Variants in EFCAB11 observed in about 807,000 individuals in gnomAD.
EFCAB11 encodes the protein EF-hand calcium binding domain 11.
In EFCAB11, 14 loss-of-function variants were observed where a neutral mutation model predicts 23.0. That is an observed-to-expected ratio of 0.61 (90% CI 0.40 to 0.95). The LOEUF is 0.95. Ranked by LOEUF, EFCAB11 falls within the 40% of genes least tolerant of loss-of-function variation. The probability of loss-of-function intolerance (pLI) is 0.00; values close to 1 mark genes in which losing one functional copy is unlikely to be tolerated. For missense variants in EFCAB11, 198 were observed against 195.8 expected (o/e 1.01, Z -0.07); for synonymous variants, 65 against 66.6 (o/e 0.98, Z 0.11).
At chr14:89,949,056 T>A (rs1891072007) in intron 3 of EFCAB11, among the ~76,000 whole-genome samples, 1 of 152,190 alleles carries the variant, frequency 6.6e-6, no homozygotes, top group African/African-American at 2.4e-5. Flanking sequence ...ATGTGACTAT[T>A]AATACCTAGT....
rs116688404 is a variant in EFCAB11 at position 89,869,516 on chromosome 14, T to C, written c.410+62025A>G. ...AAAAATTCTATACACTCCTGTAATGTTACCAGAATTAAAGGATTAAATGAC... is the reference window on the plus strand; with the variant it reads ...AAAAATTCTATACACTCCTGTAATGCTACCAGAATTAAAGGATTAAATGAC... On this transcript the variant is annotated intron_variant, in intron 5 of 5. Transcript: ENST00000316738. Among the ~76,000 whole-genome samples the C allele has an allele frequency of 2.3e-3, 356 of 152,280 alleles. 1 individual carries two copies. Among genetic ancestry groups the C allele is most frequent in the African/African-American group, 7.8e-3 (325 of 41,550 alleles).
At chr14:89,903,573 A>AG (rs57778945) in intron 5 of EFCAB11, among the ~76,000 whole-genome samples, 8,699 of 150,068 alleles carry the variant, frequency 0.058, 705 homozygotes, top group African/African-American at 0.19. Flanking sequence ...GTAAAAGAGA[A>AG]GGGGGGGGGC....
chr14:89,842,078 T>C (rs548106707), intron 5 of EFCAB11, among the ~76,000 whole-genome samples: 33 of 152,314 alleles, frequency 2.2e-4, no homozygotes, highest in African/African-American at 7.5e-4. Context: ...AGATTCAGTC[T>C]TGATGCCTAC....
At chr14:89,798,788 T>C (rs1330717674) in intron 5 of EFCAB11, among the ~76,000 whole-genome samples, 2 of 152,150 alleles carry the variant, frequency 1.3e-5, no homozygotes, top group Non-Finnish European at 2.9e-5. Context: ...TGTTATTGTA[T>C]TAACTTTTTG....
intron 5 of EFCAB11, among the ~76,000 whole-genome samples, chr14:89,825,103 A>G (rs1886646563): frequency 9.4e-6 from 1 of 106,856 alleles, no homozygotes; most frequent in Admixed American, 8.7e-5. Context: ...TGCTGGGACC[A>G]AAAAAAAAAA....
chr14:89,953,985 T>C lies in EFCAB11; in HGVS notation c.92A>G (p.Asp31Gly), dbSNP rs34486581. The C allele has an allele frequency of 2.4e-3, 3,915 of 1,613,242 alleles. 97 individuals are homozygous for C. In the African/African-American group the frequency reaches 0.046, roughly 19 times the overall value. The change falls in exon 2 of 6, where the codon GAT becomes GGT. Residue 31 changes from aspartate (D) to glycine (G), a missense_variant. Coordinates refer to ENST00000316738, the MANE Select transcript of EFCAB11 (RefSeq NM_145231.4). ...RKWVEVFKAC[D>G]EDHKGYLSRE... Reference sequence around the variant, plus strand: ...GCTGAGATATCCTTTGTGATCTTCATCACATGCTTTAAATACCTGAAGAAC... The same window carrying C: ...GCTGAGATATCCTTTGTGATCTTCACCACATGCTTTAAATACCTGAAGAAC...
chr14:89,879,851 G>C (rs920522722), intron 5 of EFCAB11, among the ~76,000 whole-genome samples: 6 of 152,116 alleles, frequency 3.9e-5, no homozygotes, highest in Non-Finnish European at 8.8e-5. Context: ...ATTATAAAAA[G>C]AGAAAAGTGA....
chr14:89,894,253 ATTTT>A lies in EFCAB11; in HGVS notation c.410+37284_410+37287del, dbSNP rs752443292. On this transcript the variant is annotated intron_variant, in intron 5 of 5. Transcript: ENST00000316738. ...GCGTGAGCCACCGCACCCAGCCTTGATTTTTTTTTTTTTAATTTAAGTTCTGGGA... is the reference window on the plus strand; with the variant it reads ...GCGTGAGCCACCGCACCCAGCCTTGATTTTTTTTTAATTTAAGTTCTGGGA... Among the ~76,000 whole-genome samples the A allele has an allele frequency of 5.4e-4, 79 of 146,010 alleles. 1 individual carries two copies. The highest frequency in any genetic ancestry group is 1.9e-3 in the African/African-American group (76 of 39,928).
chr14:89,891,229 T>G (rs1888954019), intron 5 of EFCAB11, among the ~76,000 whole-genome samples: 1 of 152,078 alleles, frequency 6.6e-6, no homozygotes, highest in South Asian at 2.1e-4. Context: ...ACAAACAAGT[T>G]TACAGGGAAA....
chr14:89,954,340 C>T, intron 1 of EFCAB11: 1 of 1,535,620 alleles, frequency 6.5e-7, no homozygotes, highest in Non-Finnish European at 8.7e-7. Flanking sequence ...GGGAGAGATG[C>T]AGACTCAAGG....
chr14:89,927,448 A>G (rs1890229205), intron 5 of EFCAB11, among the ~76,000 whole-genome samples: 1 of 152,150 alleles, frequency 6.6e-6, no homozygotes, highest in South Asian at 2.1e-4. Context: ...CTGTGTAGTG[A>G]ATTGTGGACC....
rs1052850620 is a variant in EFCAB11, at chr14:89,869,576, AATC to A, written c.410+61962_410+61964del. ...CCACTGTTAGAAGCATGAGCTATAG[AATC>A]CACAGGACCGAGTGTGCACTCTGCC... On this transcript the variant is annotated intron_variant, in intron 5 of 5. Transcript: ENST00000316738. Among the ~76,000 whole-genome samples, 7 of 152,378 alleles carry A rather than the reference AATC, an allele frequency of 4.6e-5. No homozygotes were observed. The East Asian group carries it at 1.3e-3, about 29-fold the overall frequency.
intron 5 of EFCAB11, among the ~76,000 whole-genome samples, chr14:89,849,465 C>T (rs1887531993): frequency 6.6e-6 from 1 of 152,266 alleles, no homozygotes; most frequent in South Asian, 2.1e-4. Flanking sequence ...GAATGCACAT[C>T]TACATGGAAA....
chr14:89,950,342 C>T (rs1891125491), intron 2 of EFCAB11, among the ~76,000 whole-genome samples, 200 bp from the exon 3 acceptor site: 1 of 152,124 alleles, frequency 6.6e-6, no homozygotes, highest in Non-Finnish European at 1.5e-5. Flanking sequence ...AGACACTAAT[C>T]TGCTAGTCCC....
chr14:89,860,825 T>C (rs1887898609), intron 5 of EFCAB11, among the ~76,000 whole-genome samples: 1 of 152,234 alleles, frequency 6.6e-6, no homozygotes, highest in Admixed American at 6.5e-5. Flanking sequence ...TGGCATTTTG[T>C]AACATAATGC....
chr14:89,882,312 G>A (rs1482762689), intron 5 of EFCAB11, among the ~76,000 whole-genome samples: 1 of 152,202 alleles, frequency 6.6e-6, no homozygotes, highest in Non-Finnish European at 1.5e-5. Flanking sequence ...GGAAATGTAT[G>A]TGCGGCATAT....
At chr14:89,883,115 C>T (rs1218830555) in intron 5 of EFCAB11, among the ~76,000 whole-genome samples, 1 of 152,140 alleles carries the variant, frequency 6.6e-6, no homozygotes, top group East Asian at 1.9e-4. Context: ...CAATCTTGAA[C>T]TCTCCAGCCA....
Position 89,806,668 on chromosome 14 carries a change from C to G in EFCAB11, c.411-9344G>C, listed in dbSNP as rs536716738. 3.3e-5 allele frequency among the ~76,000 whole-genome samples: 5 copies of G among 152,242 alleles called. No homozygotes were observed. The South Asian group carries it at 1.0e-3, about 32-fold the overall frequency. On this transcript the variant is annotated intron_variant, in intron 5 of 5. Coordinates refer to ENST00000316738, the MANE Select transcript of EFCAB11 (RefSeq NM_145231.4). Reference sequence around the variant, plus strand: ...ATGGCAGGGAGACAGTGTGGTCCAGCAGAAACCCCCCAGGAGCGAGCTCTC... The same window carrying G: ...ATGGCAGGGAGACAGTGTGGTCCAGGAGAAACCCCCCAGGAGCGAGCTCTC...
At chr14:89,859,476 A>C (rs1203425272) in intron 5 of EFCAB11, among the ~76,000 whole-genome samples, 1 of 152,222 alleles carries the variant, frequency 6.6e-6, no homozygotes, top group African/African-American at 2.4e-5. Context: ...GCGGAATTTT[A>C]CAGTAGGAAT....
Sources: gnomAD v4.1 joint callset for allele counts (sites outside exome capture counted in the v4.1 genomes callset) on GRCh38, gnomAD v4.1.1 for gene constraint, MANE v1.5 for transcripts, NCBI Gene and HGNC (gene_info 2026-07-23, HGNC 2026-07-21) for gene names.